SEPTIN10: variants seen among roughly 807,000 people sequenced by gnomAD.
SEPTIN10 encodes the protein septin-10.
A neutral mutation model predicts 54.8 loss-of-function variants in SEPTIN10; 66 were observed. That is an observed-to-expected ratio of 1.21 (90% CI 0.99 to 1.48). The LOEUF is 1.48. Ranked by LOEUF, SEPTIN10 falls within the 40% of genes most tolerant of loss-of-function variation. The pLI is 0.00. For missense variants in SEPTIN10, 620 were observed against 545.6 expected, an observed-to-expected ratio of 1.14 and a Z score of -1.36; for synonymous variants, 161 against 181.0, an observed-to-expected ratio of 0.89 and a Z score of 0.89.
At chr2:109,563,836 T>C (rs1297148446) in intron 8 of SEPTIN10, among the ~76,000 whole-genome samples, 2 of 152,160 alleles carry the variant, frequency 1.3e-5, no homozygotes, top group African/African-American at 2.4e-5. Flanking sequence ...AAATGATTCC[T>C]GAGGACTGGT....
intron 1 of SEPTIN10, among the ~76,000 whole-genome samples, chr2:109,601,421 G>A (rs1029251876): frequency 6.6e-6 from 1 of 152,236 alleles, no homozygotes; most frequent in Middle Eastern, 3.4e-3. Context: ...TCAGTACAGG[G>A]TATTAACAAT....
In SEPTIN10 at chr2:109,565,795, T is replaced by C. The variant is rs1192973620; in HGVS notation, c.827A>G (p.Lys276Arg). Residue 276 changes from lysine to arginine, a missense_variant, in exon 7 of 11, where the codon AAA becomes AGA. Transcript: ENST00000397712. ...DEVKVGNKMV[K>R]ARQYPWGVVQ... ...AACACCCCAAGGGTACTGGCGAGCT[T>C]TGACCATCTTGTTTCCGACTTTTAC... is the stretch of plus-strand genomic sequence containing the variant. 5.6e-6 allele frequency: 9 copies of C among 1,614,124 alleles called. No homozygotes were observed. The highest frequency in any genetic ancestry group is 4.4e-5 in the South Asian group (4 of 91,084).
At chr2:109,545,313 A>C in intron 10 of SEPTIN10, 1 of 1,472,350 alleles carries the variant, frequency 6.8e-7, no homozygotes, top group Non-Finnish European at 9.0e-7. Flanking sequence ...GACACAAAGT[A>C]CAGAAGGAAA....
chr2:109,600,067 T>C (rs752314127), intron 1 of SEPTIN10, among the ~76,000 whole-genome samples: 1 of 152,168 alleles, frequency 6.6e-6, no homozygotes, highest in Non-Finnish European at 1.5e-5. Flanking sequence ...TGCTGCAGTA[T>C]AGACCCAAGA....
intron 1 of SEPTIN10, among the ~76,000 whole-genome samples, chr2:109,596,325 G>C (rs1448955608): frequency 1.3e-5 from 2 of 152,100 alleles, no homozygotes; most frequent in Non-Finnish European, 2.9e-5. Context: ...AAAAAAATTA[G>C]AGGCTTTAGG....
chr2:109,566,811 G>C (rs1012456196), intron 6 of SEPTIN10, among the ~76,000 whole-genome samples: 2 of 152,148 alleles, frequency 1.3e-5, no homozygotes, highest in Non-Finnish European at 2.9e-5. Context: ...GCAGGGAGTA[G>C]ACTGGTCTGT....
rs552397626 is a variant in SEPTIN10, at chr2:109,595,877, A to C, written c.31-2758T>G. Among the ~76,000 whole-genome samples the C allele has an allele frequency of 3.3e-5, 5 of 152,282 alleles. No individual in the cohort carries two copies. In the East Asian group the frequency reaches 7.7e-4, roughly 23 times the overall value. ...GAGCTCTGCATTAGACACAATGAGG[A>C]GGAGGGTAGAACATTCCATGCTTGT... is the stretch of plus-strand genomic sequence containing the variant. On this transcript the variant is annotated intron_variant, in intron 1 of 10. Coordinates refer to ENST00000397712, the MANE Select transcript of SEPTIN10 (RefSeq NM_144710.5).
intron 7 of SEPTIN10, 145 bp downstream of exon 7, chr2:109,565,618 C>T: frequency 2.8e-6 from 2 of 706,272 alleles, no homozygotes; most frequent in South Asian, 1.7e-5. Context: ...TACACGGCCT[C>T]CAGACTTTGG....
chr2:109,589,347 G>A (rs1693407376), intron 2 of SEPTIN10, among the ~76,000 whole-genome samples: 1 of 151,930 alleles, frequency 6.6e-6, no homozygotes, highest in South Asian at 2.1e-4. Flanking sequence ...AACCTGGCCA[G>A]CATGACAAAA....
intron 8 of SEPTIN10, among the ~76,000 whole-genome samples, chr2:109,563,812 TTTTAG>T (rs1369999638): frequency 6.6e-6 from 1 of 152,172 alleles, no homozygotes; most frequent in African/African-American, 2.4e-5. Flanking sequence ...ACAGAAAATG[TTTTAG>T]TTTATTTTAA....
chr2:109,571,758 G>C (rs934306642), intron 5 of SEPTIN10, among the ~76,000 whole-genome samples: 21 of 152,178 alleles, frequency 1.4e-4, no homozygotes, highest in African/African-American at 5.1e-4. Flanking sequence ...GAAGCATCTA[G>C]AACTAGTTGT....
At chr2:109,591,874 G>A (rs1435307942) in intron 2 of SEPTIN10, among the ~76,000 whole-genome samples, 1 of 152,108 alleles carries the variant, frequency 6.6e-6, no homozygotes, top group Non-Finnish European at 1.5e-5. Context: ...TCCAGCCTGG[G>A]CAACAGAGTG....
intron 4 of SEPTIN10, among the ~76,000 whole-genome samples, chr2:109,581,001 C>T (rs549981954): frequency 1.3e-5 from 2 of 152,192 alleles, no homozygotes; most frequent in Middle Eastern, 3.2e-3. Flanking sequence ...CTGGAGAGGG[C>T]CCCCAAGTCC....
intron 10 of SEPTIN10, 181 bp downstream of exon 10, chr2:109,545,869 G>C (rs1381364105): frequency 2.8e-5 from 41 of 1,443,750 alleles, no homozygotes; most frequent in Admixed American, 5.4e-5. Flanking sequence ...GTGCTGTTCT[G>C]GATGCTGGGG....
At chr2:109,563,960 AAAAT>A (rs1266660756) in intron 8 of SEPTIN10, among the ~76,000 whole-genome samples, 5 of 152,216 alleles carry the variant, frequency 3.3e-5, no homozygotes, top group Admixed American at 6.5e-5. Context: ...GTCTCTACAA[AAAAT>A]AAATAAATAA....
chr2:109,596,192 C>T lies in SEPTIN10; in HGVS notation c.31-3073G>A, dbSNP rs77699264. Among the ~76,000 whole-genome samples, 22 of 151,988 alleles carry T rather than the reference C, an allele frequency of 1.4e-4. 1 individual carries two copies. The highest frequency in any genetic ancestry group is 6.6e-4 in the Admixed American group (10 of 15,264). ...GCCTACAGGCATGCACCACCACACC[C>T]GGCTGAAAATCAAACTTTAAAAATT... On this transcript the variant is annotated intron_variant, in intron 1 of 10. Transcript: ENST00000397712.
intron 1 of SEPTIN10, chr2:109,613,052 A>C: frequency 1.8e-6 from 1 of 551,198 alleles, no homozygotes; most frequent in South Asian, 1.5e-5. Flanking sequence ...AAAAGGGAGA[A>C]TTTGTTTTTA....
chr2:109,585,071 G>A, intron 4 of SEPTIN10, 55 bp downstream of exon 4: 1 of 1,109,330 alleles, frequency 9.0e-7, no homozygotes, highest in Non-Finnish European at 1.3e-6. Context: ...GGGGCTATAA[G>A]GCGAATGTCT....
At chr2:109,613,608 C>T (rs1036095153) in intron 1 of SEPTIN10, 190 bp downstream of exon 1, 44 of 319,360 alleles carry the variant, frequency 1.4e-4, no homozygotes, top group Non-Finnish European at 2.3e-4. Context: ...CGCGCCCAGG[C>T]TCCGCAGAGG....
Sources: gnomAD v4.1 joint callset for allele counts (sites outside exome capture counted in the v4.1 genomes callset) on GRCh38, gnomAD v4.1.1 for gene constraint, MANE v1.5 for transcripts, NCBI Gene and HGNC (gene_info 2026-07-23, HGNC 2026-07-21) for gene names.